Variants in DYNC2I1 observed in about 807,000 individuals in gnomAD.
DYNC2I1 encodes the protein dynein 2 intermediate chain 1.
Under a neutral mutation model 133.4 loss-of-function variants are expected in DYNC2I1, and 89 were observed. The observed-to-expected ratio is 0.67, with a 90% CI of 0.56 to 0.80. DYNC2I1 has a LOEUF of 0.80. Ranked by LOEUF, DYNC2I1 falls within the 30% of genes least tolerant of loss-of-function variation. The pLI is 0.00. For missense variants in DYNC2I1, 1,291 were observed against 1,314.5 expected (o/e 0.98, Z 0.28); for synonymous variants, 504 against 484.3 (o/e 1.04, Z -0.54).
intron 14 of DYNC2I1, 47 bp downstream of exon 14, chr7:158,914,368 G>A (rs1353652007): frequency 1.4e-6 from 2 of 1,476,848 alleles, no homozygotes; most frequent in Non-Finnish European, 1.8e-6. Context: ...AGTGCTTAAA[G>A]TTTCATTCTA....
chr7:158,918,537 T>C (rs1300819479), intron 14 of DYNC2I1, among the ~76,000 whole-genome samples: 1 of 152,208 alleles, frequency 6.6e-6, no homozygotes, highest in Non-Finnish European at 1.5e-5. Context: ...ATGATGATTC[T>C]CCTGTGGAGT....
chr7:158,861,634 T>C (rs1368329477), intron 1 of DYNC2I1, among the ~76,000 whole-genome samples: 1 of 152,200 alleles, frequency 6.6e-6, no homozygotes, highest in African/African-American at 2.4e-5. Context: ...AGCTTTGACG[T>C]AGCAGCTCAC....
intron 21 of DYNC2I1, 78 bp from the exon 22 acceptor site, chr7:158,934,051 C>T: frequency 1.0e-6 from 1 of 993,614 alleles, no homozygotes; most frequent in Non-Finnish European, 1.5e-6. Context: ...TATTGTAGTG[C>T]AAATCAGTGT....
At chr7:158,888,356 C>G (rs1336279775) in intron 7 of DYNC2I1, among the ~76,000 whole-genome samples, 2 of 151,292 alleles carry the variant, frequency 1.3e-5, no homozygotes, top group Non-Finnish European at 2.9e-5. Context: ...ATGTGGCAAG[C>G]ATATTTTGGA....
At chr7:158,850,049 G>C in the DYNC2I1 span, among the ~76,000 whole-genome samples, 1 of 152,350 alleles carries the variant, frequency 6.6e-6, no homozygotes, top group Admixed American at 6.5e-5. Flanking sequence ...TCAGAGATTG[G>C]AGCAGGCGCT....
At chr7:158,921,778 TTGAC>T (rs1195653537) in intron 15 of DYNC2I1, among the ~76,000 whole-genome samples, 2 of 152,220 alleles carry the variant, frequency 1.3e-5, no homozygotes, top group East Asian at 3.9e-4. Context: ...GTCCAGTTCT[TTGAC>T]TGAAGTTCTC....
chr7:158,902,443 G>A lies in DYNC2I1; in HGVS notation c.1205G>A (p.Arg402Lys). The stretch of plus-strand genomic sequence containing the variant: ...GAAAGCAGTAATGAACCTGAGTCAA[G>A]AGAAAAACTGGAAGAACTTCCTCTA... Reference protein sequence around the residue: ...DDESSNEPESREKLEELPLAQ... With the variant: ...DDESSNEPESKEKLEELPLAQ... Residue 402 changes from arginine (R) to lysine (K), a missense_variant, in exon 10 of 25, where the codon AGA (arginine) becomes AAA (lysine). Physicochemically the swap from Arg to Lys is conservative, Grantham distance 26. Coordinates refer to ENST00000407559, the MANE Select transcript of DYNC2I1 (RefSeq NM_018051.5). 1.9e-6 allele frequency: 3 copies of A among 1,613,884 alleles called. No homozygotes were observed. Among genetic ancestry groups the A allele is most frequent in the South Asian group, 1.1e-5 (1 of 91,074 alleles).
At chr7:158,896,872 T>A (rs1223073518) in intron 8 of DYNC2I1, among the ~76,000 whole-genome samples, 1 of 152,104 alleles carries the variant, frequency 6.6e-6, no homozygotes, top group East Asian at 1.9e-4. Flanking sequence ...TGTAGTTTTT[T>A]TTTTTTTTCT....
In DYNC2I1 at chr7:158,884,660, G is replaced by A. The variant is rs771924836; in HGVS notation, c.935+41G>A. The A allele has an allele frequency of 5.0e-6, 8 of 1,601,770 alleles. No individual in the cohort carries two copies. The Admixed American group carries it at 5.1e-5, about 10-fold the overall frequency. ...CCTGTGGTCGACCTTTACGTGTGCC[G>A]CTCTCATGGAATGCTTCAGGGAATT... On this transcript the variant is annotated intron_variant, in intron 6 of 24. Coordinates refer to ENST00000407559, the MANE Select transcript of DYNC2I1 (RefSeq NM_018051.5).
At chr7:158,914,394 G>A in intron 14 of DYNC2I1, 73 bp downstream of exon 14, 2 of 1,201,852 alleles carry the variant, frequency 1.7e-6, no homozygotes, top group South Asian at 1.5e-5. Flanking sequence ...AAACATAGGA[G>A]CTTTTAAGAT....
At chr7:158,863,900 G>T (rs1584947535) in intron 1 of DYNC2I1, among the ~76,000 whole-genome samples, 2 of 136,918 alleles carry the variant, frequency 1.5e-5, no homozygotes, top group South Asian at 5.1e-4. Context: ...CTCCGTGTGT[G>T]GGGGTGGGGA....
chr7:158,955,518 A>G (rs1231848610), intron 4 of DYNC2I1, among the ~76,000 whole-genome samples: 1 of 152,170 alleles, frequency 6.6e-6, no homozygotes, highest in Non-Finnish European at 1.5e-5. Flanking sequence ...AGTTCAACAA[A>G]CACTCCCTAA....
intron 15 of DYNC2I1, among the ~76,000 whole-genome samples, chr7:158,920,530 G>C (rs767305903): frequency 2.0e-4 from 31 of 152,026 alleles, no homozygotes; most frequent in Admixed American, 3.9e-4. Context: ...GCCTCTGTTG[G>C]GGAACTCGTG....
At chr7:158,861,535 C>G (rs374866228) in intron 1 of DYNC2I1, among the ~76,000 whole-genome samples, 1 of 152,196 alleles carries the variant, frequency 6.6e-6, no homozygotes, top group Non-Finnish European at 1.5e-5. Context: ...ATCTGTCAGC[C>G]AAGTCTAGAA....
chr7:158,949,854 C>G (rs543977029), downstream of DYNC2I1, among the ~76,000 whole-genome samples: 1 of 152,246 alleles, frequency 6.6e-6, no homozygotes, highest in East Asian at 1.9e-4. Context: ...TCACCGCAAC[C>G]TCCGCCTCCC....
chr7:158,922,499 G>A lies in DYNC2I1; in HGVS notation c.2044G>A (p.Asp682Asn). ...LDSKYVLCVW[D>N]IWQPSGPQKV... ...CAGCAAATACGTCCTCTGTGTGTGG[G>A]ATATTTGGCAGCCTTCAGGGCCACA... The change falls in exon 16 of 25, where the codon GAT (aspartate) becomes AAT (asparagine). Residue 682 changes from aspartate to asparagine, a missense_variant. Coordinates refer to ENST00000407559, the MANE Select transcript of DYNC2I1 (RefSeq NM_018051.5). The A allele has an allele frequency of 1.9e-6, 3 of 1,613,992 alleles. No homozygotes were observed. The highest frequency in any genetic ancestry group is 2.5e-6 in the Non-Finnish European group (3 of 1,179,902).
chr7:158,925,241 T>C (rs527306647), intron 17 of DYNC2I1, among the ~76,000 whole-genome samples: 1 of 152,306 alleles, frequency 6.6e-6, no homozygotes, highest in Admixed American at 6.5e-5. Flanking sequence ...CACCCTGTAA[T>C]TTATTCTTAA....
rs566913816 is a variant in DYNC2I1 at position 158,927,022 on chromosome 7, G to A, written c.2464G>A (p.Ala822Thr). The A allele has an allele frequency of 2.9e-5, 47 of 1,603,296 alleles. No homozygotes were observed. Among genetic ancestry groups the A allele is most frequent in the South Asian group, 1.8e-4 (16 of 89,266 alleles). ...VVVELPKADI[A>T]GSISDLGLMP... is the part of the protein sequence containing the mutation. Reference sequence around the variant, plus strand: ...TGTTGAATTACCAAAGGCAGACATCGCAGGTTCAATAAGTGATTTAGGTAA... The same window carrying A: ...TGTTGAATTACCAAAGGCAGACATCACAGGTTCAATAAGTGATTTAGGTAA... The change falls in exon 20 of 25, where the codon GCA becomes ACA. Residue 822 changes from alanine (A) to threonine (T), a missense_variant. Physicochemically the swap from Ala to Thr is moderately conservative, Grantham distance 58 (BLOSUM62 0). Transcript: ENST00000407559.
At chr7:158,856,936 C>A (rs879735689) in intron 1 of DYNC2I1, among the ~76,000 whole-genome samples, 186 bp downstream of exon 1, 43 of 152,106 alleles carry the variant, frequency 2.8e-4, no homozygotes, top group Middle Eastern at 3.4e-3. Context: ...GCCGTCGGCG[C>A]GAGGGATGGC....
Sources: gnomAD v4.1 joint callset for allele counts (sites outside exome capture counted in the v4.1 genomes callset) on GRCh38, gnomAD v4.1.1 for gene constraint, MANE v1.5 for transcripts, NCBI Gene and HGNC (gene_info 2026-07-23, HGNC 2026-07-21) for gene names.